The following OSBPL6 variants were observed in gnomAD, a reference collection of about 807,000 sequenced individuals.
OSBPL6 encodes the protein oxysterol-binding protein-related protein 6.
In OSBPL6, 49 loss-of-function variants were observed where a neutral mutation model predicts 125.8. The ratio of observed to expected loss-of-function variants is 0.39; its 90% CI spans 0.31 to 0.49. The LOEUF (loss-of-function observed/expected upper bound fraction) is 0.49, where lower values mean the gene tolerates loss of function less well. Among genes scored for constraint, OSBPL6 ranks in the 20% least tolerant of loss-of-function variants. The pLI is 0.88. For synonymous variants in OSBPL6, 394 were observed against 391.8 expected, an observed-to-expected ratio of 1.01 and a Z score of -0.07; for missense variants, 986 against 1,135.4, an observed-to-expected ratio of 0.87 and a Z score of 1.89.
At chr2:178,390,985 A>T (rs1695355096) in intron 21 of OSBPL6, 88 bp from the exon 22 acceptor site, 22 of 1,548,504 alleles carry the variant, frequency 1.4e-5, no homozygotes, top group Non-Finnish European at 1.6e-5. Context: ...AAGGGACTTC[A>T]AGGCTAAGAA....
At chr2:178,306,364 A>C (rs577688005) in intron 3 of OSBPL6, 78 bp downstream of exon 3, 296 of 886,712 alleles carry the variant, frequency 3.3e-4, no homozygotes, top group Non-Finnish European at 5.1e-4. Context: ...GTTGCTAATT[A>C]ATTCTGAAAT....
chr2:178,277,203 T>C (rs912976824), intron 1 of OSBPL6, among the ~76,000 whole-genome samples: 3 of 152,256 alleles, frequency 2.0e-5, no homozygotes, highest in African/African-American at 4.8e-5. Flanking sequence ...TTTTATGCAA[T>C]TTTATTCAAC....
At chr2:178,307,850 A>G (rs1367689987) in intron 3 of OSBPL6, among the ~76,000 whole-genome samples, 1 of 152,118 alleles carries the variant, frequency 6.6e-6, no homozygotes, top group Non-Finnish European at 1.5e-5. Flanking sequence ...ACTCCTGTAG[A>G]AACATCTATC....
intron 1 of OSBPL6, among the ~76,000 whole-genome samples, chr2:178,245,560 G>A (rs2153995980): frequency 6.6e-6 from 1 of 152,306 alleles, no homozygotes; most frequent in African/African-American, 2.4e-5. Context: ...GTTAGACCCA[G>A]TGTGGGATGC....
intron 11 of OSBPL6, among the ~76,000 whole-genome samples, chr2:178,346,523 A>C (rs1425425570): frequency 6.6e-6 from 1 of 152,172 alleles, no homozygotes; most frequent in Non-Finnish European, 1.5e-5. Flanking sequence ...TTACTACCAG[A>C]ATATTCTACG....
intron 1 of OSBPL6, among the ~76,000 whole-genome samples, chr2:178,280,177 A>G (rs1359858381): frequency 6.6e-6 from 1 of 152,118 alleles, no homozygotes; most frequent in African/African-American, 2.4e-5. Context: ...CAGCCTGGCA[A>G]TAGAGTGAGA....
chr2:178,243,734 A>G (rs893997387), intron 1 of OSBPL6, among the ~76,000 whole-genome samples: 2 of 152,066 alleles, frequency 1.3e-5, no homozygotes, highest in South Asian at 4.1e-4. Flanking sequence ...GCTCACTGCA[A>G]TCTCCGCCTC....
chr2:178,368,705 A>G (rs1277274856), intron 13 of OSBPL6, among the ~76,000 whole-genome samples: 2 of 152,026 alleles, frequency 1.3e-5, no homozygotes, highest in Non-Finnish European at 2.9e-5. Context: ...AAAAAAAAAT[A>G]GTTTTGAAGT....
rs1163759517 is a variant in OSBPL6 at position 178,394,487 on chromosome 2, A to G, written c.2696+52A>G. 4.5e-6 allele frequency: 7 copies of G among 1,553,020 alleles called. No individual in the cohort carries two copies. In the African/African-American group the frequency reaches 5.6e-5, roughly 12 times the overall value. On this transcript the variant is annotated intron_variant, in intron 24 of 24. Transcript: ENST00000190611. Reference sequence around the variant, plus strand: ...TTCATGTTTTGCAAATGGTTGCCACAGGCCATGAGAAACTCCAGTTAAATG... The same window carrying G: ...TTCATGTTTTGCAAATGGTTGCCACGGGCCATGAGAAACTCCAGTTAAATG...
intron 1 of OSBPL6, among the ~76,000 whole-genome samples, chr2:178,244,432 CA>C (rs2091416834): frequency 1.1e-5 from 1 of 87,054 alleles, no homozygotes; most frequent in African/African-American, 1.1e-4. Context: ...GTCCATGACA[CA>C]AAACAAGTTC....
chr2:178,295,075 T>C (rs1226703377), intron 2 of OSBPL6, among the ~76,000 whole-genome samples: 2 of 152,130 alleles, frequency 1.3e-5, no homozygotes, highest in Non-Finnish European at 2.9e-5. Flanking sequence ...GAAAACAAGT[T>C]CCTCTTTTAT....
chr2:178,344,335 G>A, intron 11 of OSBPL6: 10 of 1,614,150 alleles, frequency 6.2e-6, no homozygotes, highest in Non-Finnish European at 7.6e-6. Flanking sequence ...CGCCGGCAGA[G>A]GCTAGCGGCA....
intron 1 of OSBPL6, among the ~76,000 whole-genome samples, chr2:178,201,940 G>A (rs2089283103): frequency 6.6e-6 from 1 of 152,188 alleles, no homozygotes; most frequent in East Asian, 1.9e-4. Flanking sequence ...AAGTCACATA[G>A]TAGGCTCATA....
chr2:178,333,057 A>G lies in OSBPL6; in HGVS notation c.657+16A>G, dbSNP rs2154078069. On this transcript the variant is annotated intron_variant, in intron 8 of 24. Coordinates refer to ENST00000190611, the MANE Select transcript of OSBPL6 (RefSeq NM_032523.4). ...GGATGGAAAGGTATGACTTTGTTCT[A>G]TAAAAACCAGCCTGAAAATTGCTTA... is the stretch of plus-strand genomic sequence containing the variant. 6.2e-7 allele frequency: 1 copy of G among 1,611,238 alleles called. No homozygotes were observed. Among genetic ancestry groups the G allele is most frequent in the Non-Finnish European group, 8.5e-7 (1 of 1,178,550 alleles).
chr2:178,227,427 A>G (rs183630715), intron 1 of OSBPL6, among the ~76,000 whole-genome samples: 3 of 152,190 alleles, frequency 2.0e-5, no homozygotes, highest in African/African-American at 7.2e-5. Context: ...ATTTCCTGCA[A>G]CTCAGCATTT....
chr2:178,369,418 A>G (rs1693168706), intron 13 of OSBPL6, among the ~76,000 whole-genome samples: 1 of 152,150 alleles, frequency 6.6e-6, no homozygotes, highest in Non-Finnish European at 1.5e-5. Flanking sequence ...TCTGGACACT[A>G]GTTGATCTTC....
Position 178,203,710 on chromosome 2 carries a change from C to T in OSBPL6, c.-351+9036C>T, listed in dbSNP as rs369013624. 6.6e-4 allele frequency among the ~76,000 whole-genome samples: 100 copies of T among 152,230 alleles called. 2 individuals carry two copies. In the South Asian group the frequency reaches 0.01, roughly 15 times the overall value. The stretch of plus-strand genomic sequence containing the variant: ...AATGTTCTTGAGCTTTGTTCTGTGA[C>T]GCAATTAATTTACTTAGAAATAGTT... On this transcript the variant is annotated intron_variant, in intron 1 of 24. Coordinates refer to ENST00000190611, the MANE Select transcript of OSBPL6 (RefSeq NM_032523.4).
At position 178,332,856 on chromosome 2, in the gene OSBPL6, C is replaced by T. The variant is rs767915269; in HGVS notation, c.487-15C>T. 9.3e-6 allele frequency: 15 copies of T among 1,608,912 alleles called. No homozygotes were observed. Among genetic ancestry groups the T allele is most frequent in the African/African-American group, 4.0e-5 (3 of 74,706 alleles). On this transcript the variant is annotated splice_polypyrimidine_tract_variant and intron_variant, in intron 7 of 24. Transcript: ENST00000190611. ...TTATTTTACAATTACTTTCTCCTCT[C>T]GTTCATTGTTTTAGGTGAAATCCCA...
At chr2:178,268,089 T>G (rs1250367418) in intron 1 of OSBPL6, among the ~76,000 whole-genome samples, 1 of 151,588 alleles carries the variant, frequency 6.6e-6, no homozygotes, top group African/African-American at 2.4e-5. Flanking sequence ...AATTTTCTTT[T>G]TTTTTTTTTT....
Sources: allele counts gnomAD v4.1 joint callset (sites outside exome capture counted in the v4.1 genomes callset), GRCh38; gene constraint gnomAD v4.1.1; transcripts MANE v1.5; gene names NCBI Gene and HGNC (gene_info 2026-07-23, HGNC 2026-07-21).